NRDE2: variants seen among roughly 807,000 people sequenced by gnomAD.
NRDE2 encodes NRDE-2, necessary for RNA interference, domain containing.
In NRDE2, 76 loss-of-function variants were observed where a neutral mutation model predicts 124.2. That is an observed-to-expected ratio of 0.61 (90% CI 0.51 to 0.74). NRDE2 has a LOEUF of 0.74. Among genes scored for constraint, NRDE2 ranks in the 30% least tolerant of loss-of-function variants. The probability of loss-of-function intolerance (pLI) is 0.00; values close to 1 mark genes in which losing one functional copy is unlikely to be tolerated. For synonymous variants in NRDE2, 489 were observed against 528.1 expected (o/e 0.93, Z 1.01); for missense variants, 1,314 against 1,417.3 (o/e 0.93, Z 1.17).
intron 8 of NRDE2, among the ~76,000 whole-genome samples, chr14:90,293,492 C>A (rs959911682): frequency 6.6e-6 from 1 of 152,214 alleles, no homozygotes; most frequent in African/African-American, 2.4e-5. Flanking sequence ...TCAGGTGATG[C>A]ACCTGCCTTG....
At chr14:90,298,204 T>G in intron 8 of NRDE2, 56 bp downstream of exon 8, 1 of 1,585,778 alleles carries the variant, frequency 6.3e-7, no homozygotes, top group Admixed American at 1.8e-5. Flanking sequence ...CATGAGGATG[T>G]AAAAACAAAT....
chr14:90,276,515 G>A lies in NRDE2; in HGVS notation c.*1821C>T, dbSNP rs963150770. On this transcript the variant is annotated 3_prime_UTR_variant, in exon 14 of 14. Transcript: ENST00000354366. ...ATTACAGACGTGAGCCACCGCGCCT[G>A]GCCTCAAATGGGCTTTTAAATAACA... The A allele has an allele frequency of 2.0e-5, 3 of 152,180 alleles. No individual in the cohort carries two copies. The highest frequency in any genetic ancestry group is 7.2e-5 in the African/African-American group (3 of 41,438). The allele number at this position is 152,180 out of a possible 1,614,324, so 9.4% of individuals were successfully genotyped here.
intron 3 of NRDE2, among the ~76,000 whole-genome samples, chr14:90,314,363 G>A (rs986331440): frequency 4.6e-5 from 7 of 152,114 alleles, no homozygotes; most frequent in African/African-American, 1.7e-4. Context: ...TCACCTTCTT[G>A]GGAAGAGAAT....
intron 13 of NRDE2, chr14:90,278,798 G>A (rs1040808879): frequency 1.8e-6 from 1 of 554,220 alleles, no homozygotes; most frequent in Non-Finnish European, 3.2e-6. Context: ...TTCAGCATCT[G>A]GGCTGGACTC....
intron 4 of NRDE2, among the ~76,000 whole-genome samples, chr14:90,307,035 A>G (rs1447770291): frequency 6.6e-6 from 1 of 152,220 alleles, no homozygotes; most frequent in African/African-American, 2.4e-5. Flanking sequence ...TTTTATAACA[A>G]ATTAGATGAA....
At chr14:90,322,938 G>A (rs1276718542) in intron 1 of NRDE2, among the ~76,000 whole-genome samples, 2 of 152,192 alleles carry the variant, frequency 1.3e-5, no homozygotes, top group Non-Finnish European at 2.9e-5. Flanking sequence ...AACATTTATA[G>A]AGAAGACCAG....
chr14:90,285,298 TGA>T (rs1491126629), intron 12 of NRDE2, among the ~76,000 whole-genome samples: 5 of 132,908 alleles, frequency 3.8e-5, no homozygotes, highest in Admixed American at 2.5e-4. Flanking sequence ...AAGGAAATGT[TGA>T]TTTTTTTTTT....
chr14:90,305,559 G>A (rs1207103763), intron 4 of NRDE2, among the ~76,000 whole-genome samples: 1 of 152,180 alleles, frequency 6.6e-6, no homozygotes, highest in Non-Finnish European at 1.5e-5. Context: ...GTAAACAGAG[G>A]TACAGCCATA....
In NRDE2 at chr14:90,274,838, A is replaced by ACACACACACACACACACACACC. The variant is rs1491397403; in HGVS notation, c.*3497_*3498insGGTGTGTGTGTGTGTGTGTGTG. ...CACACACACACACACACACACACAC[A>ACACACACACACACACACACACC]CCCCAATACATATGAATTGATCTGA... On this transcript the variant is annotated 3_prime_UTR_variant, in exon 14 of 14. Transcript: ENST00000354366. 1.5e-5 allele frequency: 1 copy of ACACACACACACACACACACACC among 67,184 alleles called. No homozygotes were observed. Among genetic ancestry groups the ACACACACACACACACACACACC allele is most frequent in the Non-Finnish European group, 3.2e-5 (1 of 31,320 alleles). The allele number at this position is 67,184 out of a possible 1,614,324, so 4.2% of individuals were successfully genotyped here.
chr14:90,308,142 C>G (rs185617598), intron 4 of NRDE2, among the ~76,000 whole-genome samples: 1 of 152,168 alleles, frequency 6.6e-6, no homozygotes, highest in African/African-American at 2.4e-5. Flanking sequence ...GGCTCCTAAA[C>G]ATAAGCCAAC....
At chr14:90,325,115 A>G (rs1256491338) in intron 1 of NRDE2, among the ~76,000 whole-genome samples, 2 of 152,178 alleles carry the variant, frequency 1.3e-5, no homozygotes, top group South Asian at 2.1e-4. Context: ...GAGTCAAGGT[A>G]CGTGTCTAAG....
rs1052802045 is a variant in NRDE2, at chr14:90,292,853, T to C, written c.1686A>G (p.Pro562=). The C allele has an allele frequency of 1.2e-6, 2 of 1,613,832 alleles. No homozygotes were observed. Among genetic ancestry groups the C allele is most frequent in the African/African-American group, 2.7e-5 (2 of 74,910 alleles). Residue 562 remains proline (P), a synonymous_variant, in exon 9 of 14, where the codon CCA becomes CCG. Transcript: ENST00000354366. ...VINPDEDDDE[P]EEDDQEIKDK... ...CTTTTATTTCCTGGTCATCCTCTTCTGGTTCATCGTCATCCTCATCTAGAC... is the reference window on the plus strand; with the variant it reads ...CTTTTATTTCCTGGTCATCCTCTTCCGGTTCATCGTCATCCTCATCTAGAC...
chr14:90,296,887 C>G (rs1884183693), intron 8 of NRDE2, among the ~76,000 whole-genome samples: 1 of 151,972 alleles, frequency 6.6e-6, no homozygotes, highest in African/African-American at 2.4e-5. Flanking sequence ...ATCGGAAATC[C>G]CAGCACTTTG....
intron 1 of NRDE2, among the ~76,000 whole-genome samples, chr14:90,319,631 C>T (rs760379591): frequency 1.3e-5 from 2 of 152,154 alleles, no homozygotes; most frequent in Non-Finnish European, 2.9e-5. Flanking sequence ...ACAATGTTTT[C>T]AAGGTTCATC....
intron 8 of NRDE2, 126 bp downstream of exon 8, chr14:90,298,134 A>G (rs192800663): frequency 9.5e-7 from 1 of 1,049,974 alleles, no homozygotes; most frequent in Non-Finnish European, 1.4e-6. Flanking sequence ...CATTTTTGAC[A>G]TTTTGATGTT....
At chr14:90,314,850 G>A (rs533043899) in intron 3 of NRDE2, among the ~76,000 whole-genome samples, 9 of 152,114 alleles carry the variant, frequency 5.9e-5, no homozygotes, top group South Asian at 2.1e-4. Context: ...CCTTTTTGCC[G>A]GACTGCTTTA....
Position 90,273,737 on chromosome 14 carries a change from G to A in NRDE2, c.*4599C>T, listed in dbSNP as rs554715805. On this transcript the variant is annotated 3_prime_UTR_variant, in exon 14 of 14. Transcript: ENST00000354366. ...ATTGTTGGCAGAATTTAATTTCTTGGAGTTGTGGGCCAGCTGAGGTCAGCA... is the reference window on the plus strand; with the variant it reads ...ATTGTTGGCAGAATTTAATTTCTTGAAGTTGTGGGCCAGCTGAGGTCAGCA... The A allele has an allele frequency of 9.7e-5, 15 of 154,640 alleles. No homozygotes were observed. Among genetic ancestry groups the A allele is most frequent in the African/African-American group, 3.4e-4 (14 of 41,606 alleles). 9.6% of individuals were successfully genotyped at this position (154,640 alleles called of 1,614,324 possible). A position where few individuals can be genotyped will look rare whatever the true frequency, so the allele number is the denominator to read the frequency against.
intron 9 of NRDE2, among the ~76,000 whole-genome samples, chr14:90,292,192 G>T (rs1892288702): frequency 6.6e-6 from 1 of 152,246 alleles, no homozygotes; most frequent in Non-Finnish European, 1.5e-5. Context: ...TCTTCCGCAA[G>T]ACACGCTGAT....
In NRDE2 at chr14:90,270,459, G is replaced by C. The variant is rs1891632489; in HGVS notation, c.*7877C>G. ...GGTTGGCCTGGACAGGTGGGTGTCT[G>C]TATTTTAATCATCATATTGGTTTAC... is the stretch of plus-strand genomic sequence containing the variant. On this transcript the variant is annotated 3_prime_UTR_variant, in exon 14 of 14. Transcript: ENST00000354366. The C allele has an allele frequency of 8.0e-7, 1 of 1,256,958 alleles. No homozygotes were observed. Among genetic ancestry groups the C allele is most frequent in the South Asian group, 1.6e-5 (1 of 61,932 alleles). 77.9% of individuals were successfully genotyped at this position (1,256,958 alleles called of 1,614,324 possible).
Sources: allele counts gnomAD v4.1 joint callset (sites outside exome capture counted in the v4.1 genomes callset), GRCh38; gene constraint gnomAD v4.1.1; transcripts MANE v1.5; gene names NCBI Gene and HGNC (gene_info 2026-07-23, HGNC 2026-07-21).